IFIH1: variants seen among roughly 807,000 people sequenced by gnomAD.
IFIH1 encodes interferon-induced helicase C domain-containing protein 1.
Under a neutral mutation model 107.4 loss-of-function variants are expected in IFIH1, and 125 were observed. The ratio of observed to expected loss-of-function variants is 1.16; its 90% CI spans 1.01 to 1.35. IFIH1 has a LOEUF of 1.35. Among genes scored for constraint, IFIH1 ranks in the 40% most tolerant of loss-of-function variants. The probability of loss-of-function intolerance (pLI) is 0.00; values close to 1 mark genes in which losing one functional copy is unlikely to be tolerated. For missense variants in IFIH1, 1,333 were observed against 1,213.7 expected (o/e 1.10, Z -1.46); for synonymous variants, 458 against 413.2 (o/e 1.11, Z -1.31).
At position 162,318,502 on chromosome 2, in the gene IFIH1, G is replaced by A; in HGVS notation, c.-195C>T. ...GGGCTGCACTCGCACCTGGGCAGGT[G>A]GGCAGGCGGGCAGGTGGGCAGCGGG... On this transcript the variant is annotated 5_prime_UTR_variant, in exon 1 of 16. Coordinates refer to ENST00000649979, the MANE Select transcript of IFIH1 (RefSeq NM_022168.4). The A allele has an allele frequency of 2.6e-6, 1 of 378,174 alleles. No homozygotes were observed. Among genetic ancestry groups the A allele is most frequent in the Non-Finnish European group, 4.6e-6 (1 of 217,030 alleles). The allele number at this position is 378,174 out of a possible 1,614,324, so 23.4% of individuals were successfully genotyped here.
intron 3 of IFIH1, among the ~76,000 whole-genome samples, chr2:162,301,106 CATA>C (rs1303303906): frequency 6.6e-6 from 1 of 152,096 alleles, no homozygotes. Flanking sequence ...TATTCCAAAG[CATA>C]ATGTCACCGG....
At chr2:162,277,299 G>A in intron 10 of IFIH1, 116 bp downstream of exon 10, 1 of 731,594 alleles carries the variant, frequency 1.4e-6, no homozygotes, top group Non-Finnish European at 2.2e-6. Context: ...GTTCCAATCT[G>A]AGTGGGATTT....
Position 162,267,520 on chromosome 2 carries a change from C to G in IFIH1, c.2857G>C (p.Asp953His). ...ENKALQKKCA[D>H]YQINGEIICK... is the part of the protein sequence containing the mutation. ...ATGATTTCACCATTTATTTGATAGTCGGCACACTTCTTTTGCAGTGCTTTG... is the reference window on the plus strand; with the variant it reads ...ATGATTTCACCATTTATTTGATAGTGGGCACACTTCTTTTGCAGTGCTTTG... The change falls in exon 15 of 16, where the codon GAC becomes CAC. Residue 953 changes from aspartate (D) to histidine (H), a missense_variant. Physicochemically the swap from Asp to His is moderately conservative, Grantham distance 81 (BLOSUM62 -1). Transcript: ENST00000649979. The G allele has an allele frequency of 6.2e-7, 1 of 1,613,906 alleles. No homozygotes were observed. The highest frequency in any genetic ancestry group is 8.5e-7 in the Non-Finnish European group (1 of 1,179,800).
At position 162,282,462 on chromosome 2, in the gene IFIH1, C is replaced by A; in HGVS notation, c.1210G>T (p.Val404Phe). Residue 404 changes from valine (V) to phenylalanine (F), a missense_variant, in exon 6 of 16, where the codon GTC becomes TTC. Coordinates refer to ENST00000649979, the MANE Select transcript of IFIH1 (RefSeq NM_022168.4). The stretch of plus-strand genomic sequence containing the variant: ...CTGATAATAATATCACAGGACTTGA[C>A]AACTTCTGGAAATGATATTTTCAGT... ...TQLKISFPEV[V>F]KSCDIIISTA... The A allele has an allele frequency of 6.2e-7, 1 of 1,611,472 alleles. No individual in the cohort carries two copies. Among genetic ancestry groups the A allele is most frequent in the East Asian group, 2.2e-5 (1 of 44,802 alleles).
At chr2:162,289,648 CTTG>C (rs1318033196) in intron 4 of IFIH1, among the ~76,000 whole-genome samples, 2 of 151,904 alleles carry the variant, frequency 1.3e-5, no homozygotes, top group African/African-American at 2.4e-5. Flanking sequence ...TGAGTTTTAA[CTTG>C]TTGTGATAGT....
chr2:162,293,465 G>T, intron 4 of IFIH1, 99 bp downstream of exon 4: 1 of 678,164 alleles, frequency 1.5e-6, no homozygotes, highest in Non-Finnish European at 2.6e-6. Context: ...TGCTTTAATT[G>T]CATAAATACA....
chr2:162,313,959 G>T (rs1683426446), intron 1 of IFIH1, among the ~76,000 whole-genome samples: 1 of 152,170 alleles, frequency 6.6e-6, no homozygotes, highest in Non-Finnish European at 1.5e-5. Context: ...GGCATCTCTG[G>T]TTCTTCTGTG....
intron 5 of IFIH1, among the ~76,000 whole-genome samples, chr2:162,283,833 G>A (rs7588675): frequency 0.09 from 13,646 of 151,888 alleles, 2,078 homozygotes; most frequent in African/African-American, 0.31. Context: ...GCTGGAAGAA[G>A]GGGTGGGGAA....
At chr2:162,272,159 G>A in intron 13 of IFIH1, 67 bp downstream of exon 13, 1 of 1,269,004 alleles carries the variant, frequency 7.9e-7, no homozygotes, top group Non-Finnish European at 1.1e-6. Flanking sequence ...GAGTCACAGA[G>A]ATATCAATGG....
chr2:162,282,037 A>G (rs1051701262), intron 6 of IFIH1, among the ~76,000 whole-genome samples: 2 of 151,914 alleles, frequency 1.3e-5, no homozygotes, highest in African/African-American at 4.8e-5. Context: ...TTCTCATCCT[A>G]TACCCCATAA....
intron 4 of IFIH1, among the ~76,000 whole-genome samples, chr2:162,290,327 C>A (rs1299486298): frequency 6.6e-6 from 1 of 151,696 alleles, no homozygotes; most frequent in East Asian, 1.9e-4. Flanking sequence ...AGAAATATTA[C>A]AAAGAGAAAG....
At chr2:162,316,981 C>T (rs969759412) in intron 1 of IFIH1, among the ~76,000 whole-genome samples, 5 of 151,870 alleles carry the variant, frequency 3.3e-5, no homozygotes, top group Admixed American at 3.3e-4. Flanking sequence ...AATTTTGATT[C>T]TCAAAGAATG....
chr2:162,284,926 A>G (rs1222779848), intron 5 of IFIH1, among the ~76,000 whole-genome samples: 1 of 151,980 alleles, frequency 6.6e-6, no homozygotes, highest in Non-Finnish European at 1.5e-5. Context: ...GGTGAGTCAA[A>G]AATCTTCAAA....
At chr2:162,273,040 T>A (rs1004618552) in intron 12 of IFIH1, among the ~76,000 whole-genome samples, 1 of 152,212 alleles carries the variant, frequency 6.6e-6, no homozygotes, top group South Asian at 2.1e-4. Context: ...AATAGACTCC[T>A]GAAATAAAAT....
rs1206459742 is a variant in IFIH1, at chr2:162,281,362, G to A, written c.1490C>T (p.Thr497Met). 2 of 1,612,440 alleles carry A rather than the reference G, an allele frequency of 1.2e-6. No homozygotes were observed. The highest frequency in any genetic ancestry group is 8.5e-7 in the Non-Finnish European group (1 of 1,178,994). ...GTGTTCTTCAGCTTTGGCTTGCTTC[G>A]TGGCCCCTCCAACACCAGGTGAAGC... Reference protein sequence around the residue: ...LTASPGVGGATKQAKAEEHIL... With the variant: ...LTASPGVGGAMKQAKAEEHIL... Residue 497 changes from threonine (T) to methionine (M), a missense_variant, in exon 7 of 16, where the codon ACG (threonine) becomes ATG (methionine). Coordinates refer to ENST00000649979, the MANE Select transcript of IFIH1 (RefSeq NM_022168.4).
At chr2:162,297,722 A>T (rs1683118318) in intron 3 of IFIH1, among the ~76,000 whole-genome samples, 1 of 152,158 alleles carries the variant, frequency 6.6e-6, no homozygotes, top group African/African-American at 2.4e-5. Flanking sequence ...TTGAACTGTT[A>T]AAGAAAAGCA....
chr2:162,309,213 C>T (rs1278180219), intron 2 of IFIH1, among the ~76,000 whole-genome samples: 1 of 152,192 alleles, frequency 6.6e-6, no homozygotes, highest in African/African-American at 2.4e-5. Context: ...CACGGAATGG[C>T]AGGTTCTAGG....
chr2:162,290,836 A>C (rs1406168209), intron 4 of IFIH1, among the ~76,000 whole-genome samples: 1 of 151,888 alleles, frequency 6.6e-6, no homozygotes, highest in Non-Finnish European at 1.5e-5. Flanking sequence ...GGTGAGTGCT[A>C]AATATTCAGC....
At position 162,268,164 on chromosome 2, in the gene IFIH1, G is replaced by A. The variant is rs775467204; in HGVS notation, c.2730C>T (p.Cys910=). Residue 910 remains cysteine (C), a synonymous_variant, in exon 14 of 16, where the codon TGC becomes TGT. Coordinates refer to ENST00000649979, the MANE Select transcript of IFIH1 (RefSeq NM_022168.4). Reference sequence around the variant, plus strand: ...CTTCCCCAGAACAGGCTAGCACACTGCAGTTTTTGCAAAGGAAAGTTATTA... The same window carrying A: ...CTTCCCCAGAACAGGCTAGCACACTACAGTTTTTGCAAAGGAAAGTTATTA... ...PSLITFLCKN[C]SVLACSGEDI... 6 of 1,613,462 alleles carry A rather than the reference G, an allele frequency of 3.7e-6. No individual in the cohort carries two copies. In the African/African-American group the frequency reaches 6.7e-5, roughly 18 times the overall value.
Sources: gnomAD v4.1 joint callset for allele counts (sites outside exome capture counted in the v4.1 genomes callset) on GRCh38, gnomAD v4.1.1 for gene constraint, MANE v1.5 for transcripts, NCBI Gene and HGNC (gene_info 2026-07-23, HGNC 2026-07-21) for gene names.